The following RASSF4 variants were observed in gnomAD, a reference collection of about 807,000 sequenced individuals.
RASSF4 encodes the protein ras association domain-containing protein 4.
A neutral mutation model predicts 41.1 loss-of-function variants in RASSF4; 38 were observed. The observed-to-expected ratio is 0.92, with a 90% confidence interval of 0.71 to 1.21. The LOEUF is 1.21. Among genes scored for constraint, RASSF4 ranks in the 50% most tolerant of loss-of-function variants. The pLI, the probability that RASSF4 is intolerant of heterozygous loss-of-function variation, is 0.00. For synonymous variants in RASSF4, 179 were observed against 163.4 expected (o/e 1.10, Z -0.73); for missense variants, 414 against 419.4 (o/e 0.99, Z 0.11).
rs149494218 is a variant in RASSF4, at chr10:44,992,172, G to A, written c.905+170G>A. Among the ~76,000 whole-genome samples, 10 of 152,300 alleles carry A rather than the reference G, an allele frequency of 6.6e-5. No individual in the cohort carries two copies. The East Asian group carries it at 7.7e-4, about 12-fold the overall frequency. ...AGCATCACCCTCTGGCCCCCTGCTCGGTATTGCCACCACGCTGGGGTGACA... is the reference window on the plus strand; with the variant it reads ...AGCATCACCCTCTGGCCCCCTGCTCAGTATTGCCACCACGCTGGGGTGACA... On this transcript the variant is annotated intron_variant, in intron 10 of 10. Transcript: ENST00000340258.
intron 3 of RASSF4, among the ~76,000 whole-genome samples, chr10:44,979,751 C>T (rs1411387258): frequency 6.6e-6 from 1 of 152,058 alleles, no homozygotes; most frequent in African/African-American, 2.4e-5. Flanking sequence ...GTCAGTGGAC[C>T]TTGGGGTGGA....
chr10:44,970,394 G>A (rs1841102388), intron 2 of RASSF4, 130 bp downstream of exon 2: 1 of 721,142 alleles, frequency 1.4e-6, no homozygotes, highest in Admixed American at 2.2e-5. Flanking sequence ...GGGGGACAGT[G>A]ATGGGGTGCT....
In RASSF4 at chr10:44,995,018, C is replaced by G. The variant is rs887750115; in HGVS notation, c.*1689C>G. The G allele has an allele frequency of 6.6e-6, 1 of 152,216 alleles. No individual in the cohort carries two copies. Among genetic ancestry groups the G allele is most frequent in the African/African-American group, 2.4e-5 (1 of 41,412 alleles). 9.4% of individuals were successfully genotyped at this position (152,216 alleles called of 1,614,324 possible). A position where few individuals can be genotyped will look rare whatever the true frequency, so the allele number is the denominator to read the frequency against. On this transcript the variant is annotated 3_prime_UTR_variant, in exon 11 of 11. Coordinates refer to ENST00000340258, the MANE Select transcript of RASSF4 (RefSeq NM_032023.4). ...ACAGAATCTTAGCATCAGGAGGGCC[C>G]CAAGAATCTTCCAGGCCAGGGGCTC...
intron 3 of RASSF4, 111 bp from the exon 4 acceptor site, chr10:44,982,410 T>G (rs747326329): frequency 1.2e-5 from 16 of 1,376,798 alleles, no homozygotes; most frequent in Non-Finnish European, 1.6e-5. Flanking sequence ...ATGGGGCCAC[T>G]CAGGAGGAGG....
In RASSF4 at chr10:44,982,653, A is replaced by G. The variant is rs748694440; in HGVS notation, c.271A>G (p.Ser91Gly). Residue 91 changes from serine to glycine, a missense_variant, in exon 4 of 11, where the codon AGC (serine) becomes GGC (glycine). Transcript: ENST00000340258. ...CACCTCATGGATGCCCAGACGGCCT[A>G]GCTGCCCTCTGTGAGTACCCGGTGG... ...PSTSWMPRRP[S>G]CPLKEPSPQN... is the part of the protein sequence containing the mutation. 5.0e-6 allele frequency: 8 copies of G among 1,613,182 alleles called. No individual in the cohort carries two copies. The South Asian group carries it at 8.8e-5, about 18-fold the overall frequency.
chr10:44,984,147 C>T, intron 5 of RASSF4, 34 bp downstream of exon 5: 1 of 1,552,122 alleles, frequency 6.4e-7, no homozygotes, highest in Non-Finnish European at 8.7e-7. Flanking sequence ...CAGACCCCTG[C>T]CTCATCCGGG....
At chr10:44,965,899 C>T (rs903548861) in intron 1 of RASSF4, among the ~76,000 whole-genome samples, 2 of 152,212 alleles carry the variant, frequency 1.3e-5, no homozygotes, top group African/African-American at 4.8e-5. Context: ...TGGCCGGAGA[C>T]ACTCAACACG....
At chr10:44,975,609 A>AG (rs1841390245) in intron 3 of RASSF4, among the ~76,000 whole-genome samples, 1 of 132,742 alleles carries the variant, frequency 7.5e-6, no homozygotes, top group Non-Finnish European at 1.6e-5. Context: ...CCCAGTGGCA[A>AG]GAAGGAAGGA....
intron 1 of RASSF4, among the ~76,000 whole-genome samples, chr10:44,963,670 T>A (rs1304037707): frequency 6.6e-6 from 1 of 152,176 alleles, no homozygotes; most frequent in African/African-American, 2.4e-5. Flanking sequence ...TTCTTTTGCT[T>A]CCCAGGTCAC....
chr10:44,971,116 G>A (rs551674767), intron 2 of RASSF4: 71 of 243,452 alleles, frequency 2.9e-4, no homozygotes, highest in Middle Eastern at 1.5e-3. Flanking sequence ...CACATCCCAC[G>A]TCTGCTGGCC....
At chr10:44,965,739 G>A (rs1456612180) in intron 1 of RASSF4, among the ~76,000 whole-genome samples, 1 of 152,140 alleles carries the variant, frequency 6.6e-6, no homozygotes, top group Non-Finnish European at 1.5e-5. Flanking sequence ...CTGGGATGGT[G>A]TGCCCCGTTC....
chr10:44,982,953 C>T (rs1452188218), intron 4 of RASSF4: 1 of 664,144 alleles, frequency 1.5e-6, no homozygotes, highest in Non-Finnish European at 2.8e-6. Flanking sequence ...AGGGGGGCTC[C>T]CAACACCTAT....
chr10:44,990,003 T>G (rs566998931), intron 8 of RASSF4, among the ~76,000 whole-genome samples: 1 of 152,364 alleles, frequency 6.6e-6, no homozygotes, highest in South Asian at 2.1e-4. Flanking sequence ...GTACATTAAG[T>G]TTAATTCTTT....
At chr10:44,989,861 TGCCTCCCA>T in intron 8 of RASSF4, 140 bp downstream of exon 8, 1 of 741,142 alleles carries the variant, frequency 1.3e-6, no homozygotes, top group Non-Finnish European at 2.4e-6. Flanking sequence ...GGGCACACTG[TGCCTCCCA>T]GCATGAACAT....
intron 7 of RASSF4, 114 bp downstream of exon 7, chr10:44,989,489 A>G: frequency 1.1e-6 from 1 of 945,502 alleles, no homozygotes; most frequent in Non-Finnish European, 1.7e-6. Flanking sequence ...CAGAAGGTCT[A>G]GCAAGGGTCC....
rs1470908542 is a variant in RASSF4 at position 44,992,017 on chromosome 10, AACAG to A, written c.905+20_905+23del. The A allele has an allele frequency of 6.5e-7, 1 of 1,532,342 alleles. No individual in the cohort carries two copies. Among genetic ancestry groups the A allele is most frequent in the Non-Finnish European group, 9.0e-7 (1 of 1,106,174 alleles). 94.9% of individuals were successfully genotyped at this position (1,532,342 alleles called of 1,614,324 possible). A position where few individuals can be genotyped will look rare whatever the true frequency, so the allele number is the denominator to read the frequency against. On this transcript the variant is annotated intron_variant, in intron 10 of 10. Transcript: ENST00000340258. ...CTGACCATGAAGTAAGCAGCACTTA[AACAG>A]ACAGTCATGGGTCCTGAACATCAGG...
intron 1 of RASSF4, among the ~76,000 whole-genome samples, chr10:44,962,394 C>A (rs984693703): frequency 6.6e-6 from 1 of 152,222 alleles, no homozygotes; most frequent in African/African-American, 2.4e-5. Flanking sequence ...CAACAACATG[C>A]ACATACATGC....
At chr10:44,983,195 C>T (rs557309325) in intron 4 of RASSF4, 7 of 347,726 alleles carry the variant, frequency 2.0e-5, no homozygotes, top group African/African-American at 4.3e-5. Flanking sequence ...TCCCAAAAGA[C>T]GCAGTTAGTA....
Position 44,990,940 on chromosome 10 carries a change from T to C in RASSF4, c.686-8T>C. Reference sequence around the variant, plus strand: ...CCCGTGATTTTTGTAAACCACCTTCTTTTTCAGAGCGGACAAAATTAAAAG... The same window carrying C: ...CCCGTGATTTTTGTAAACCACCTTCCTTTTCAGAGCGGACAAAATTAAAAG... On this transcript the variant is annotated splice_region_variant and splice_polypyrimidine_tract_variant and intron_variant, in intron 8 of 10. Transcript: ENST00000340258. 1 of 1,609,876 alleles carries C rather than the reference T, an allele frequency of 6.2e-7. No individual in the cohort carries two copies. Among genetic ancestry groups the C allele is most frequent in the Non-Finnish European group, 8.5e-7 (1 of 1,176,490 alleles).
Sources: allele counts gnomAD v4.1 joint callset (sites outside exome capture counted in the v4.1 genomes callset), GRCh38; gene constraint gnomAD v4.1.1; transcripts MANE v1.5; gene names NCBI Gene and HGNC (gene_info 2026-07-23, HGNC 2026-07-21).